Variants in NR3C2 observed in about 807,000 individuals in gnomAD.
NR3C2 encodes the protein nuclear receptor subfamily 3 group C member 2, also known as mineralocorticoid receptor.
Under a neutral mutation model 86.4 loss-of-function variants are expected in NR3C2, and 15 were observed. The ratio of observed to expected loss-of-function variants is 0.17; its 90% confidence interval spans 0.12 to 0.27. NR3C2 has a LOEUF of 0.27. Ranked by LOEUF, NR3C2 falls within the 10% of genes least tolerant of loss-of-function variation. NR3C2 has a pLI of 1.00. For synonymous variants in NR3C2, 458 were observed against 450.5 expected, an observed-to-expected ratio of 1.02 and a Z score of -0.21; for missense variants, 960 against 1,195.6, an observed-to-expected ratio of 0.80 and a Z score of 2.91.
chr4:148,124,043 A>T (rs1175686414), intron 6 of NR3C2, among the ~76,000 whole-genome samples: 2 of 152,246 alleles, frequency 1.3e-5, no homozygotes, highest in Non-Finnish European at 2.9e-5. Flanking sequence ...GTTCAAGACC[A>T]GCCTGGCCAA....
chr4:148,272,587 G>T (rs1200896165), intron 2 of NR3C2, among the ~76,000 whole-genome samples: 1 of 152,058 alleles, frequency 6.6e-6, no homozygotes, highest in African/African-American at 2.4e-5. Flanking sequence ...TTTACTACTG[G>T]CTTTACTGCT....
intron 2 of NR3C2, among the ~76,000 whole-genome samples, chr4:148,404,378 T>A (rs948996469): frequency 1.3e-5 from 2 of 152,182 alleles, no homozygotes; most frequent in African/African-American, 4.8e-5. Flanking sequence ...AATACATTTA[T>A]TAATTAAATG....
rs140910657 is a variant in NR3C2, at chr4:148,222,625, A to G, written c.1898-27763T>C. Among the ~76,000 whole-genome samples the G allele has an allele frequency of 2.3e-3, 351 of 152,374 alleles. 3 individuals are homozygous for G. Among genetic ancestry groups the G allele is most frequent in the African/African-American group, 7.8e-3 (325 of 41,584 alleles). ...TTGCTGGAAAATCATTTAGGAAATT[A>G]ACAAAACATAATAAAAGCAATACAA... On this transcript the variant is annotated intron_variant, in intron 3 of 8. Coordinates refer to ENST00000358102, the MANE Select transcript of NR3C2 (RefSeq NM_000901.5).
intron 3 of NR3C2, among the ~76,000 whole-genome samples, chr4:148,228,081 A>T (rs1024292293): frequency 6.6e-6 from 1 of 152,186 alleles, no homozygotes; most frequent in African/African-American, 2.4e-5. Context: ...AGAGACACAC[A>T]TAGGTATGTA....
intron 4 of NR3C2, among the ~76,000 whole-genome samples, chr4:148,191,840 T>A (rs1452839753): frequency 6.6e-6 from 1 of 152,194 alleles, no homozygotes; most frequent in African/African-American, 2.4e-5. Flanking sequence ...AATTTTTGAT[T>A]GTTTTTTTCT....
chr4:148,341,638 G>A (rs1265673170), intron 2 of NR3C2, among the ~76,000 whole-genome samples: 1 of 152,026 alleles, frequency 6.6e-6, no homozygotes, highest in Non-Finnish European at 1.5e-5. Flanking sequence ...GTGAATGTTT[G>A]GGGTAATAAA....
At chr4:148,317,318 G>T (rs1038991644) in intron 2 of NR3C2, among the ~76,000 whole-genome samples, 42 of 149,130 alleles carry the variant, frequency 2.8e-4, no homozygotes, top group African/African-American at 9.9e-4. Context: ...TCGCACCATT[G>T]CACTTGAGCC....
At chr4:148,093,374 T>G (rs1245808179) in intron 8 of NR3C2, among the ~76,000 whole-genome samples, 26 of 152,218 alleles carry the variant, frequency 1.7e-4, no homozygotes, top group Admixed American at 1.7e-3. Flanking sequence ...CTGGGGCCAC[T>G]GCTGCTGTTC....
chr4:148,130,111 G>A (rs1732949668), intron 6 of NR3C2, among the ~76,000 whole-genome samples: 1 of 152,132 alleles, frequency 6.6e-6, no homozygotes, highest in African/African-American at 2.4e-5. Flanking sequence ...TGGAAAGCAT[G>A]CGGGGTAAAA....
intron 3 of NR3C2, among the ~76,000 whole-genome samples, chr4:148,231,129 T>C (rs1560990554): frequency 6.6e-6 from 1 of 152,204 alleles, no homozygotes; most frequent in Non-Finnish European, 1.5e-5. Context: ...TCAAACAGTA[T>C]TCTGTTAAAA....
intron 2 of NR3C2, among the ~76,000 whole-genome samples, chr4:148,369,650 T>C (rs1027495284): frequency 1.3e-5 from 2 of 152,196 alleles, no homozygotes; most frequent in Non-Finnish European, 2.9e-5. Flanking sequence ...TTTTAAAGTA[T>C]AATCTGCCAT....
At chr4:148,243,835 T>C (rs1228334297) in intron 3 of NR3C2, among the ~76,000 whole-genome samples, 1 of 152,198 alleles carries the variant, frequency 6.6e-6, no homozygotes, top group Non-Finnish European at 1.5e-5. Context: ...TTCAACATCA[T>C]GCCAAGTATG....
chr4:148,444,166 G>C (rs575946713), upstream of NR3C2: 334 of 985,464 alleles, frequency 3.4e-4, 5 homozygotes, highest in Non-Finnish European at 1.8e-4. Flanking sequence ...GCCTGGGCAC[G>C]CGAGGCGGCG....
intron 2 of NR3C2, among the ~76,000 whole-genome samples, chr4:148,353,109 T>C (rs956996987): frequency 1.1e-4 from 16 of 152,116 alleles, no homozygotes; most frequent in Non-Finnish European, 1.8e-4. Flanking sequence ...TATTTTTCTG[T>C]CTAAATAAGT....
At chr4:148,115,583 G>C (rs1288568370) in intron 7 of NR3C2, among the ~76,000 whole-genome samples, 2 of 152,142 alleles carry the variant, frequency 1.3e-5, no homozygotes, top group African/African-American at 4.8e-5. Flanking sequence ...ACTTGGAGAT[G>C]GTGCTGAGTA....
chr4:148,161,080 A>G (rs1734636052), intron 4 of NR3C2, among the ~76,000 whole-genome samples: 1 of 134,488 alleles, frequency 7.4e-6, no homozygotes. Flanking sequence ...ACACCAGTAG[A>G]ACTGGGTCCC....
At chr4:148,106,402 T>C (rs1731798413) in intron 8 of NR3C2, among the ~76,000 whole-genome samples, 1 of 152,166 alleles carries the variant, frequency 6.6e-6, no homozygotes, top group Non-Finnish European at 1.5e-5. Context: ...TGCTCATGGA[T>C]AGGAAGAACC....
At chr4:148,297,604 A>G (rs1408954399) in intron 2 of NR3C2, among the ~76,000 whole-genome samples, 1 of 152,044 alleles carries the variant, frequency 6.6e-6, no homozygotes, top group Non-Finnish European at 1.5e-5. Context: ...TACTAAAACT[A>G]CAAAAGTAGA....
intron 2 of NR3C2, among the ~76,000 whole-genome samples, chr4:148,323,328 TTTTG>T (rs1197760584): frequency 1.3e-5 from 2 of 148,190 alleles, no homozygotes; most frequent in African/African-American, 5.1e-5. Context: ...ACTGCTGTCT[TTTTG>T]TTTGTCTGTG....
Sources: allele counts gnomAD v4.1 joint callset (sites outside exome capture counted in the v4.1 genomes callset), GRCh38; gene constraint gnomAD v4.1.1; transcripts MANE v1.5; gene names NCBI Gene and HGNC (gene_info 2026-07-23, HGNC 2026-07-21).